Variants in VPS50 observed in about 807,000 individuals in gnomAD.
VPS50 encodes VPS50 subunit of EARP/GARPII complex, also known as syndetin.
In VPS50, 70 loss-of-function variants were observed where a neutral mutation model predicts 139.7. The ratio of observed to expected loss-of-function variants is 0.50; its 90% CI spans 0.41 to 0.61. VPS50 has a LOEUF of 0.61. Among genes scored for constraint, VPS50 ranks in the 20% least tolerant of loss-of-function variants. VPS50 has a pLI of 0.00. For synonymous variants in VPS50, 365 were observed against 376.7 expected, an observed-to-expected ratio of 0.97 and a Z score of 0.36; for missense variants, 921 against 1,133.7, an observed-to-expected ratio of 0.81 and a Z score of 2.69.
intron 12 of VPS50, 36 bp from the exon 13 acceptor site, chr7:93,291,664 CATA>C (rs200391469): frequency 0.03 from 35,443 of 1,190,734 alleles, 609 homozygotes; most frequent in Non-Finnish European, 0.035. Flanking sequence ...TTAGAGTAAA[CATA>C]ATAATTTGAA....
rs964339040 is a variant in VPS50, at chr7:93,353,729, T to C, written c.2553T>C (p.Cys851=). 5.0e-6 allele frequency: 8 copies of C among 1,611,516 alleles called. No individual in the cohort carries two copies. The highest frequency in any genetic ancestry group is 5.1e-6 in the Non-Finnish European group (6 of 1,178,464). The change falls in exon 26 of 28, where the codon TGT becomes TGC. Residue 851 remains cysteine (C), a synonymous_variant. Transcript: ENST00000305866. The stretch of plus-strand genomic sequence containing the variant: ...TGTCTAATATACTTTGGGAACATTG[T>C]ATACGATTGGCTAATCGAACTATTG... The part of the protein sequence containing the change: ...LPVSNILWEH[C]IRLANRTIVE...
intron 9 of VPS50, chr7:93,270,961 T>A (rs2116879809): frequency 2.8e-6 from 1 of 352,686 alleles, no homozygotes; most frequent in East Asian, 7.6e-5. Context: ...GTTACCAATT[T>A]TAATTCTTCA....
At chr7:93,348,663 TA>T in intron 23 of VPS50, 47 bp from the exon 24 acceptor site, 1 of 1,220,442 alleles carries the variant, frequency 8.2e-7, no homozygotes, top group Non-Finnish European at 1.2e-6. Context: ...TGACAGGCTC[TA>T]AATCCTACAC....
At chr7:93,340,435 C>T (rs1252147651) in intron 22 of VPS50, among the ~76,000 whole-genome samples, 1 of 151,974 alleles carries the variant, frequency 6.6e-6, no homozygotes, top group African/African-American at 2.4e-5. Context: ...ATCCTCCTGG[C>T]AAAAAAAGGT....
At chr7:93,344,091 C>T (rs1368712702) in intron 23 of VPS50, among the ~76,000 whole-genome samples, 7 of 152,098 alleles carry the variant, frequency 4.6e-5, no homozygotes, top group Middle Eastern at 3.2e-3. Flanking sequence ...ACCCATCTCA[C>T]GGGCAGAGAC....
At chr7:93,350,271 C>T (rs996963963) in intron 25 of VPS50, among the ~76,000 whole-genome samples, 4 of 152,080 alleles carry the variant, frequency 2.6e-5, no homozygotes, top group East Asian at 1.9e-4. Flanking sequence ...TGTTGTATGT[C>T]GTGGCTGACT....
chr7:93,277,083 G>A (rs1796179561), intron 12 of VPS50, among the ~76,000 whole-genome samples: 1 of 152,102 alleles, frequency 6.6e-6, no homozygotes, highest in Admixed American at 6.6e-5. Context: ...AGGTGAAAGG[G>A]TATAAATAAA....
Position 93,348,825 on chromosome 7 carries a change from A to G in VPS50, c.2304+18A>G, listed in dbSNP as rs1287160214. ...ATTCTCAGGTCAGACATGGTCTTGT[A>G]TGTCATTTCAACTGTGAGGAAGATA... On this transcript the variant is annotated intron_variant, in intron 24 of 27. Transcript: ENST00000305866. 2 of 1,497,512 alleles carry G rather than the reference A, an allele frequency of 1.3e-6. No individual in the cohort carries two copies. Among genetic ancestry groups the G allele is most frequent in the Non-Finnish European group, 9.3e-7 (1 of 1,074,834 alleles). 92.8% of individuals were successfully genotyped at this position (1,497,512 alleles called of 1,614,324 possible). A position where few individuals can be genotyped will look rare whatever the true frequency, so the allele number is the denominator to read the frequency against.
intron 22 of VPS50, among the ~76,000 whole-genome samples, chr7:93,334,747 A>C (rs563548340): frequency 6.6e-6 from 1 of 152,342 alleles, no homozygotes; most frequent in East Asian, 1.9e-4. Flanking sequence ...TTGTCACAGG[A>C]TGAAATACAT....
Position 93,276,295 on chromosome 7 carries a change from A to G in VPS50, c.932A>G (p.Asp311Gly). The G allele has an allele frequency of 6.2e-7, 1 of 1,612,862 alleles. No homozygotes were observed. ...DTKFQKLQYKDLCTHVTPDSY... is the reference protein window; with the variant it reads ...DTKFQKLQYKGLCTHVTPDSY... The stretch of plus-strand genomic sequence containing the variant: ...AAATTCCAAAAGCTGCAATATAAGG[A>G]TCTCTGTACAGTATGTAGTGACTTA... Residue 311 changes from aspartate (D) to glycine (G), a missense_variant, in exon 12 of 28, where the codon GAT becomes GGT. Asp to Gly is a moderately conservative substitution (Grantham distance 94). Around this residue, in one of 3 missense-constraint regions of VPS50, gnomAD observed 744 missense variants for 930.6 expected, o/e 0.80. Transcript: ENST00000305866.
intron 26 of VPS50, 61 bp downstream of exon 26, chr7:93,353,822 C>A: frequency 7.9e-7 from 1 of 1,273,264 alleles, no homozygotes; most frequent in Non-Finnish European, 1.1e-6. Flanking sequence ...ATATGAATAA[C>A]ATACGGTATT....
At chr7:93,286,707 C>A (rs1278214765) in intron 12 of VPS50, among the ~76,000 whole-genome samples, 1 of 152,048 alleles carries the variant, frequency 6.6e-6, no homozygotes, top group Non-Finnish European at 1.5e-5. Flanking sequence ...TATTCTCTGG[C>A]TTCATTGAAT....
At chr7:93,319,343 C>T (rs1007449067) in intron 20 of VPS50, among the ~76,000 whole-genome samples, 15 of 152,186 alleles carry the variant, frequency 9.9e-5, no homozygotes, top group Non-Finnish European at 2.2e-4. Flanking sequence ...GTTTCTAGTT[C>T]TTGTCCATGC....
At chr7:93,308,442 A>G (rs938225691) in intron 18 of VPS50, among the ~76,000 whole-genome samples, 1 of 151,564 alleles carries the variant, frequency 6.6e-6, no homozygotes, top group African/African-American at 2.4e-5. Flanking sequence ...AGAATTGGAT[A>G]CTGAACCTCT....
intron 21 of VPS50, among the ~76,000 whole-genome samples, chr7:93,326,474 TAA>T (rs1297847224): frequency 2.7e-5 from 4 of 147,906 alleles, no homozygotes; most frequent in African/African-American, 9.9e-5. Context: ...TAAAATAAAA[TAA>T]AATAATACAG....
chr7:93,236,937 C>CTTTTTTTTTTTTTTTTT (rs71107889), intron 1 of VPS50, among the ~76,000 whole-genome samples: 2 of 31,030 alleles, frequency 6.4e-5, no homozygotes, highest in Non-Finnish European at 5.4e-5. Flanking sequence ...TCTTTTACTT[C>CTTTTTTTTTTTTTTTTT]TTTTTTTTTT....
intron 1 of VPS50, among the ~76,000 whole-genome samples, chr7:93,233,419 G>T (rs1794698555): frequency 6.6e-6 from 1 of 152,130 alleles, no homozygotes; most frequent in African/African-American, 2.4e-5. Context: ...TTAGTGAAAG[G>T]TATATTTGTG....
At chr7:93,256,466 G>A (rs1795486007) in intron 4 of VPS50, 43 bp from the exon 5 acceptor site, 1 of 924,492 alleles carries the variant, frequency 1.1e-6, no homozygotes, top group East Asian at 2.9e-5. Flanking sequence ...AAAGCATGAA[G>A]TTTGTTCTTT....
At chr7:93,347,965 A>G (rs1006036119) in intron 23 of VPS50, among the ~76,000 whole-genome samples, 2 of 151,904 alleles carry the variant, frequency 1.3e-5, no homozygotes, top group Non-Finnish European at 2.9e-5. Flanking sequence ...ACCCTAAAAA[A>G]GTATTATAAT....
Sources: allele counts gnomAD v4.1 joint callset (sites outside exome capture counted in the v4.1 genomes callset), GRCh38; gene constraint gnomAD v4.1.1; regional missense constraint gnomAD v4.1.1; transcripts MANE v1.5; gene names NCBI Gene and HGNC (gene_info 2026-07-23, HGNC 2026-07-21).